The following ARL15 variants were observed in gnomAD, a reference collection of about 807,000 sequenced individuals.
The protein encoded by ARL15 is ADP-ribosylation factor-like protein 15.
ARL15 carries 19 observed loss-of-function variants against 25.2 expected under a neutral mutation model. The observed-to-expected ratio is 0.75, with a 90% confidence interval of 0.53 to 1.10. ARL15 has a LOEUF of 1.10. ARL15 is among the 50% of genes least tolerant of loss of function. The pLI, the probability that ARL15 is intolerant of heterozygous loss-of-function variation, is 0.00. For synonymous variants in ARL15, 94 were observed against 86.8 expected (o/e 1.08, Z -0.46); for missense variants, 220 against 246.0 (o/e 0.89, Z 0.71).
chr5:54,277,414 T>C (rs1273541705), intron 1 of ARL15, among the ~76,000 whole-genome samples: 4 of 152,200 alleles, frequency 2.6e-5, no homozygotes, highest in Non-Finnish European at 5.9e-5. Context: ...TTACTGCTAT[T>C]GTTTTGAAGG....
chr5:54,262,733 A>C (rs900174894), intron 1 of ARL15, among the ~76,000 whole-genome samples: 3 of 152,152 alleles, frequency 2.0e-5, no homozygotes, highest in Non-Finnish European at 4.4e-5. Flanking sequence ...AATAATTTTC[A>C]TGTTCCAAAC....
chr5:54,176,827 C>T (rs1348323429), intron 1 of ARL15, among the ~76,000 whole-genome samples: 1 of 152,166 alleles, frequency 6.6e-6, no homozygotes, highest in Non-Finnish European at 1.5e-5. Flanking sequence ...TAAATAACTG[C>T]TCATTGCGAT....
chr5:54,198,281 G>A (rs1755613271), intron 1 of ARL15, among the ~76,000 whole-genome samples: 2 of 152,168 alleles, frequency 1.3e-5, no homozygotes, highest in African/African-American at 4.8e-5. Flanking sequence ...ACATAGTGTT[G>A]GAAGTTCTGG....
chr5:53,951,150 T>C (rs1314083021), intron 4 of ARL15, among the ~76,000 whole-genome samples: 1 of 152,260 alleles, frequency 6.6e-6, no homozygotes, highest in Non-Finnish European at 1.5e-5. Flanking sequence ...GCAAGATTCA[T>C]TTGTTTATAT....
At chr5:54,075,484 C>A (rs1298245113) in intron 4 of ARL15, 2 of 111,338 alleles carry the variant, frequency 1.8e-5, no homozygotes, top group African/African-American at 5.2e-5. Flanking sequence ...AATATATATT[C>A]CTTTTTTTTT....
At chr5:54,282,740 A>T (rs899413586) in intron 1 of ARL15, among the ~76,000 whole-genome samples, 8 of 152,230 alleles carry the variant, frequency 5.3e-5, no homozygotes, top group Non-Finnish European at 1.0e-4. Flanking sequence ...AATCCTTATA[A>T]TGGATAGAAA....
At chr5:53,911,643 A>C (rs1745468042) in intron 4 of ARL15, among the ~76,000 whole-genome samples, 1 of 152,134 alleles carries the variant, frequency 6.6e-6, no homozygotes, top group South Asian at 2.1e-4. Flanking sequence ...TCACCTGGGC[A>C]GTGTACACTG....
chr5:54,167,817 C>G (rs538621183), intron 2 of ARL15, among the ~76,000 whole-genome samples: 1 of 152,232 alleles, frequency 6.6e-6, no homozygotes, highest in South Asian at 2.1e-4. Context: ...ATGGTCTACC[C>G]CTCAATTCCT....
intron 4 of ARL15, among the ~76,000 whole-genome samples, chr5:53,958,250 G>A (rs908759606): frequency 6.6e-6 from 1 of 151,750 alleles, no homozygotes; most frequent in Non-Finnish European, 1.5e-5. Flanking sequence ...TATGTTAATG[G>A]GCACAAAATA....
intron 4 of ARL15, among the ~76,000 whole-genome samples, chr5:54,064,568 G>T (rs1751161235): frequency 6.6e-6 from 1 of 152,250 alleles, no homozygotes; most frequent in African/African-American, 2.4e-5. Flanking sequence ...AAGCTATACA[G>T]CCAGTTTTCC....
chr5:54,096,793 C>A (rs1752302345), intron 4 of ARL15, among the ~76,000 whole-genome samples: 1 of 152,116 alleles, frequency 6.6e-6, no homozygotes, highest in Admixed American at 6.5e-5. Flanking sequence ...TTGCTTTTGC[C>A]AATTTGTAGA....
chr5:54,271,987 C>T (rs992693195), intron 1 of ARL15, among the ~76,000 whole-genome samples: 6 of 150,124 alleles, frequency 4.0e-5, no homozygotes, highest in Admixed American at 2.0e-4. Flanking sequence ...TCTGTTGCTC[C>T]GGCTGGAATG....
intron 1 of ARL15, among the ~76,000 whole-genome samples, chr5:54,174,295 G>C (rs1245926152): frequency 6.6e-6 from 1 of 152,154 alleles, no homozygotes; most frequent in Non-Finnish European, 1.5e-5. Context: ...CACGCTTCAA[G>C]AAAATACTGT....
chr5:54,296,704 G>A (rs1561299434), intron 1 of ARL15, among the ~76,000 whole-genome samples: 8 of 152,240 alleles, frequency 5.3e-5, no homozygotes, highest in Non-Finnish European at 2.9e-5. Context: ...GGCAAGCCAA[G>A]CAGGGGCTGG....
At chr5:54,185,931 C>T (rs1300195849) in intron 1 of ARL15, among the ~76,000 whole-genome samples, 2 of 152,086 alleles carry the variant, frequency 1.3e-5, no homozygotes, top group Non-Finnish European at 2.9e-5. Flanking sequence ...TATGCCAAAT[C>T]CCAATGGTGG....
chr5:54,224,739 T>G (rs1032042867), intron 1 of ARL15, among the ~76,000 whole-genome samples: 4 of 152,156 alleles, frequency 2.6e-5, no homozygotes, highest in Admixed American at 2.0e-4. Flanking sequence ...TAACAAACTT[T>G]TATTGTTTGA....
At chr5:54,145,143 A>C (rs1561241576) in intron 3 of ARL15, among the ~76,000 whole-genome samples, 1 of 152,194 alleles carries the variant, frequency 6.6e-6, no homozygotes, top group African/African-American at 2.4e-5. Context: ...ATATAACAAA[A>C]GACATTTAAA....
chr5:53,944,131 C>G (rs1473286947), intron 4 of ARL15, among the ~76,000 whole-genome samples: 1 of 152,132 alleles, frequency 6.6e-6, no homozygotes, highest in African/African-American at 2.4e-5. Context: ...ACCACCATGT[C>G]TGGCACAGAG....
chr5:54,050,203 T>C (rs1750663218), intron 4 of ARL15, among the ~76,000 whole-genome samples: 1 of 152,208 alleles, frequency 6.6e-6, no homozygotes, highest in Non-Finnish European at 1.5e-5. Flanking sequence ...ACTGAAATCA[T>C]AGTCTGTTTA....
Sources: allele counts gnomAD v4.1 joint callset (sites outside exome capture counted in the v4.1 genomes callset), GRCh38; gene constraint gnomAD v4.1.1; transcripts MANE v1.5; gene names NCBI Gene and HGNC (gene_info 2026-07-23, HGNC 2026-07-21).